Variants in ZBTB41 observed in about 807,000 individuals in gnomAD.
ZBTB41 encodes zinc finger and BTB domain-containing protein 41.
In ZBTB41, 42 loss-of-function variants were observed where a neutral mutation model predicts 87.6. The observed-to-expected ratio is 0.48, with a 90% CI of 0.37 to 0.62. The LOEUF is 0.62. ZBTB41 is among the 20% of genes least tolerant of loss of function. ZBTB41 has a pLI of 0.00. For missense variants in ZBTB41, 799 were observed against 1,078.9 expected, an observed-to-expected ratio of 0.74 and a Z score of 3.63; for synonymous variants, 364 against 364.0, an observed-to-expected ratio of 1.00 and a Z score of 0.00.
At chr1:197,169,347 G>T (rs1659424513) in intron 10 of ZBTB41, among the ~76,000 whole-genome samples, 1 of 151,570 alleles carries the variant, frequency 6.6e-6, no homozygotes, top group Non-Finnish European at 1.5e-5. Flanking sequence ...AAAGTAGAAT[G>T]AATAAATTGT....
rs186373560 is a variant in ZBTB41, at chr1:197,185,185, T to A, written c.1546+3107A>T. Reference sequence around the variant, plus strand: ...CCTATTGTACAGCATACAGATTTTTTAAATATGTTTATTTTCTGGTATACT... The same window carrying A: ...CCTATTGTACAGCATACAGATTTTTAAAATATGTTTATTTTCTGGTATACT... On this transcript the variant is annotated intron_variant, in intron 5 of 10. Coordinates refer to ENST00000367405, the MANE Select transcript of ZBTB41 (RefSeq NM_194314.3). 2.6e-4 allele frequency among the ~76,000 whole-genome samples: 40 copies of A among 152,330 alleles called. No homozygotes were observed. In the East Asian group the frequency reaches 6.4e-3, roughly 24 times the overall value.
Position 197,154,102 on chromosome 1 carries a change from G to A in ZBTB41, c.*5257C>T, listed in dbSNP as rs1242038803. The A allele has an allele frequency of 1.3e-5, 2 of 152,444 alleles. No homozygotes were observed. Among genetic ancestry groups the A allele is most frequent in the Admixed American group, 1.3e-4 (2 of 15,262 alleles). 9.4% of individuals were successfully genotyped at this position (152,444 alleles called of 1,614,324 possible). ...AATTGTAATACAGTTTTATCAATAG[G>A]GATAAGAAGAGTTCAATCGTTAGAA... is the stretch of plus-strand genomic sequence containing the variant. On this transcript the variant is annotated 3_prime_UTR_variant, in exon 11 of 11. Transcript: ENST00000367405.
chr1:197,160,265 C>A (rs1659167928), intron 10 of ZBTB41, among the ~76,000 whole-genome samples: 1 of 152,122 alleles, frequency 6.6e-6, no homozygotes, highest in Admixed American at 6.6e-5. Context: ...TACCCAACTT[C>A]TATGCCTAAT....
At chr1:197,164,938 A>C (rs1659297594) in intron 10 of ZBTB41, among the ~76,000 whole-genome samples, 1 of 123,078 alleles carries the variant, frequency 8.1e-6, no homozygotes, top group African/African-American at 3.0e-5. Context: ...TATATTATAT[A>C]TATTATATAT....
At chr1:197,198,271 CAG>C (rs1660216691) in intron 2 of ZBTB41, among the ~76,000 whole-genome samples, 1 of 151,898 alleles carries the variant, frequency 6.6e-6, no homozygotes, top group South Asian at 2.1e-4. Flanking sequence ...TATTCTGATT[CAG>C]AGAGAAAATT....
At chr1:197,180,913 C>G in intron 6 of ZBTB41, 75 bp downstream of exon 6, 1 of 1,472,308 alleles carries the variant, frequency 6.8e-7, no homozygotes, top group South Asian at 1.4e-5. Context: ...TACCCTAATT[C>G]CTATAAATCA....
chr1:197,181,786 A>G (rs1168442069), intron 5 of ZBTB41, among the ~76,000 whole-genome samples: 1 of 152,206 alleles, frequency 6.6e-6, no homozygotes, highest in Non-Finnish European at 1.5e-5. Context: ...AATAGAATTA[A>G]GATGCTGAAA....
At chr1:197,169,615 C>T (rs1480216936) in intron 10 of ZBTB41, among the ~76,000 whole-genome samples, 2 of 151,916 alleles carry the variant, frequency 1.3e-5, no homozygotes, top group Non-Finnish European at 2.9e-5. Flanking sequence ...GTTTTAATAT[C>T]TTGATCTGAG....
chr1:197,172,040 G>GA, intron 10 of ZBTB41, 120 bp downstream of exon 10: 1 of 364,632 alleles, frequency 2.7e-6, no homozygotes, highest in Non-Finnish European at 4.9e-6. Context: ...TCTTAATGGG[G>GA]AAAACCAAAG....
chr1:197,179,276 C>T (rs928785756), intron 6 of ZBTB41, among the ~76,000 whole-genome samples: 2 of 152,104 alleles, frequency 1.3e-5, no homozygotes, highest in African/African-American at 4.8e-5. Context: ...ATAAACAATG[C>T]TGTCCCATAA....
chr1:197,160,010 T>A lies in ZBTB41; in HGVS notation c.2079A>T (p.Glu693Asp). 2 of 1,609,226 alleles carry A rather than the reference T, an allele frequency of 1.2e-6. No homozygotes were observed. The highest frequency in any genetic ancestry group is 8.5e-7 in the Non-Finnish European group (1 of 1,176,628). ...LEMHFRTHSG[E>D]KPYKCQICNQ... ...TGCAAATTTGACACTTGTATGGTTT[T>A]TCACCTATATGAATGAACAAGAATA... Residue 693 changes from glutamate (E) to aspartate (D), a missense_variant, in exon 11 of 11, where the codon GAA becomes GAT. Glu to Asp is a conservative substitution (Grantham distance 45, BLOSUM62 2). Around this residue, in one of 5 missense-constraint regions of ZBTB41, gnomAD observed 198 missense variants for 358.4 expected, o/e 0.55. Transcript: ENST00000367405.
Position 197,198,387 on chromosome 1 carries a change from C to T in ZBTB41, c.1120+967G>A, listed in dbSNP as rs529594539. Among the ~76,000 whole-genome samples, 13 of 152,126 alleles carry T rather than the reference C, an allele frequency of 8.5e-5. No homozygotes were observed. In the East Asian group the frequency reaches 1.4e-3, roughly 16 times the overall value. ...AATGATCACCAATTCCTTAAAAAAC[C>T]AATTTCCGCCTATATCAATAACATA... On this transcript the variant is annotated intron_variant, in intron 2 of 10. Transcript: ENST00000367405.
At chr1:197,165,495 A>AGCT in intron 10 of ZBTB41, among the ~76,000 whole-genome samples, 1 of 152,090 alleles carries the variant, frequency 6.6e-6, no homozygotes, top group East Asian at 1.9e-4. Context: ...CTGTAGTCCC[A>AGCT]GCTACTCAGG....
intron 2 of ZBTB41, among the ~76,000 whole-genome samples, chr1:197,198,996 T>A (rs1270004849): frequency 6.6e-6 from 1 of 152,156 alleles, no homozygotes; most frequent in Non-Finnish European, 1.5e-5. Flanking sequence ...AAATCTAATA[T>A]AATCCACTTT....
At position 197,154,711 on chromosome 1, in the gene ZBTB41, A is replaced by G. The variant is rs1659025658; in HGVS notation, c.*4648T>C. On this transcript the variant is annotated 3_prime_UTR_variant, in exon 11 of 11. Transcript: ENST00000367405. Reference sequence around the variant, plus strand: ...CAAACAAACAAACAAAAAACCCCACATTAGAGAAATGTGGAAAAGGGTAGG... The same window carrying G: ...CAAACAAACAAACAAAAAACCCCACGTTAGAGAAATGTGGAAAAGGGTAGG... 1 of 152,438 alleles carries G rather than the reference A, an allele frequency of 6.6e-6. No individual in the cohort carries two copies. The highest frequency in any genetic ancestry group is 6.6e-5 in the Admixed American group (1 of 15,266). The allele number at this position is 152,438 out of a possible 1,614,324, so 9.4% of individuals were successfully genotyped here.
intron 6 of ZBTB41, among the ~76,000 whole-genome samples, chr1:197,179,069 A>G (rs1015532059): frequency 5.3e-5 from 8 of 152,142 alleles, no homozygotes; most frequent in Admixed American, 1.3e-4. Context: ...ATTACTCCTC[A>G]AAGTACATCA....
At chr1:197,174,141 T>C (rs1348659904) in intron 9 of ZBTB41, among the ~76,000 whole-genome samples, 1 of 152,086 alleles carries the variant, frequency 6.6e-6, no homozygotes, top group African/African-American at 2.4e-5. Context: ...TATGAAAATA[T>C]ACCTTGCAAT....
intron 10 of ZBTB41, among the ~76,000 whole-genome samples, chr1:197,166,824 G>A (rs1470442217): frequency 6.6e-6 from 1 of 152,114 alleles, no homozygotes; most frequent in Non-Finnish European, 1.5e-5. Context: ...TCCAGTGTGG[G>A]CGACAGAGTG....
chr1:197,154,429 T>G lies in ZBTB41; in HGVS notation c.*4930A>C, dbSNP rs1659016760. ...GCTGCATAGGCTAAATTTAAATTGT[T>G]TTAGGATTTTTCTCAAGATCATAGA... On this transcript the variant is annotated 3_prime_UTR_variant, in exon 11 of 11. Coordinates refer to ENST00000367405, the MANE Select transcript of ZBTB41 (RefSeq NM_194314.3). The G allele has an allele frequency of 6.6e-6, 1 of 152,120 alleles. No individual in the cohort carries two copies. Among genetic ancestry groups the G allele is most frequent in the African/African-American group, 2.4e-5 (1 of 41,450 alleles). The allele number at this position is 152,120 out of a possible 1,614,324, so 9.4% of individuals were successfully genotyped here. A position where few individuals can be genotyped will look rare whatever the true frequency, so the allele number is the denominator to read the frequency against.
Sources: allele counts gnomAD v4.1 joint callset (sites outside exome capture counted in the v4.1 genomes callset), GRCh38; gene constraint gnomAD v4.1.1; regional missense constraint gnomAD v4.1.1; transcripts MANE v1.5; gene names NCBI Gene and HGNC (gene_info 2026-07-23, HGNC 2026-07-21).